Variants in TBC1D1 observed in about 807,000 individuals in gnomAD.
TBC1D1 encodes the protein TBC1 (tre-2/USP6, BUB2, cdc16) domain family, member 1.
A neutral mutation model predicts 125.6 loss-of-function variants in TBC1D1; 89 were observed. The observed-to-expected ratio is 0.71, with a 90% CI of 0.60 to 0.85. TBC1D1 has a LOEUF of 0.85. Among genes scored for constraint, TBC1D1 ranks in the 40% least tolerant of loss-of-function variants. The probability of loss-of-function intolerance (pLI) is 0.00; values close to 1 mark genes in which losing one functional copy is unlikely to be tolerated. For synonymous variants in TBC1D1, 565 were observed against 564.1 expected (o/e 1.00, Z -0.02); for missense variants, 1,377 against 1,469.2 (o/e 0.94, Z 1.03).
At chr4:38,117,970 A>G in intron 16 of TBC1D1, 63 bp from the exon 19 acceptor site, 1 of 1,472,548 alleles carries the variant, frequency 6.8e-7, no homozygotes, top group East Asian at 2.3e-5. Flanking sequence ...TGTGAGCAGT[A>G]GGCATAACTT....
At chr4:37,959,265 C>T (rs1045020817) in intron 2 of TBC1D1, among the ~76,000 whole-genome samples, 1 of 152,210 alleles carries the variant, frequency 6.6e-6, no homozygotes, top group African/African-American at 2.4e-5. Context: ...ACCAATAACA[C>T]AGTCGACTAA....
intron 12 of TBC1D1, among the ~76,000 whole-genome samples, chr4:38,080,808 G>C (rs765927879): frequency 7.9e-5 from 12 of 152,296 alleles, no homozygotes; most frequent in Non-Finnish European, 1.6e-4. Flanking sequence ...CTGCTCAGCT[G>C]TCTCCTTAGG....
chr4:38,101,819 T>C (rs2152557044), intron 14 of TBC1D1, among the ~76,000 whole-genome samples: 1 of 152,286 alleles, frequency 6.6e-6, no homozygotes, highest in East Asian at 1.9e-4. Context: ...CCAGCCTTCT[T>C]GCCAGCTGCT....
chr4:38,020,640 G>A lies in TBC1D1; in HGVS notation c.1022G>A (p.Gly341Glu). Residue 341 changes from glycine (G) to glutamate (E), a missense_variant, in exon 5 of 20, where the codon GGA becomes GAA. By Grantham distance (98) the Gly-to-Glu change is moderately conservative. Transcript: ENST00000261439. ...GGGTTTATCTGTCGGGAGTCTTCCG[G>A]AGGTGGCGGCTTTCATTTTGTCTGT... 2 of 1,613,430 alleles carry A rather than the reference G, an allele frequency of 1.2e-6. No homozygotes were observed. Among genetic ancestry groups the A allele is most frequent in the Non-Finnish European group, 1.7e-6 (2 of 1,179,596 alleles).
rs1766976162 is a variant in TBC1D1, at chr4:38,138,554, A to G, written c.*1219A>G. 1 of 152,642 alleles carries G rather than the reference A, an allele frequency of 6.6e-6. No individual in the cohort carries two copies. The allele number at this position is 152,642 out of a possible 1,614,324, so 9.5% of individuals were successfully genotyped here. The stretch of plus-strand genomic sequence containing the variant: ...ACAGTGACTCTCCTCTCTCAGGATG[A>G]CGAGGACCTGTGCCTTCAACAAGCA... On this transcript the variant is annotated 3_prime_UTR_variant, in exon 20 of 20. Transcript: ENST00000261439.
intron 2 of TBC1D1, among the ~76,000 whole-genome samples, chr4:38,006,210 C>CT (rs552955684): frequency 2.1e-4 from 31 of 147,960 alleles, no homozygotes; most frequent in South Asian, 1.3e-3. Context: ...GCTTTGGTGA[C>CT]TTTTTTTTTT....
At chr4:38,132,274 G>C (rs1325078678) in intron 18 of TBC1D1, among the ~76,000 whole-genome samples, 3 of 152,032 alleles carry the variant, frequency 2.0e-5, no homozygotes, top group African/African-American at 4.8e-5. Flanking sequence ...GCTGTGCTGA[G>C]AGGCCCCAGC....
Position 38,018,371 on chromosome 4 carries a change from T to C in TBC1D1, c.900T>C (p.Val300=). 6.2e-7 allele frequency: 1 copy of C among 1,611,074 alleles called. No individual in the cohort carries two copies. Residue 300 remains valine, a synonymous_variant, in exon 4 of 20, where the codon GTT becomes GTC. Coordinates refer to ENST00000261439, the MANE Select transcript of TBC1D1 (RefSeq NM_015173.4). Reference sequence around the variant, plus strand: ...CTTTTAAGATTGGCCAGTCTGAAGTTTACCTCATCAGTCCTGACACCAAAA... The same window carrying C: ...CTTTTAAGATTGGCCAGTCTGAAGTCTACCTCATCAGTCCTGACACCAAAA...
intron 12 of TBC1D1, among the ~76,000 whole-genome samples, chr4:38,082,715 G>T (rs958927979): frequency 6.6e-6 from 1 of 152,168 alleles, no homozygotes; most frequent in African/African-American, 2.4e-5. Context: ...CAGAGCTCTT[G>T]GTGCTCTGTG....
intron 2 of TBC1D1, among the ~76,000 whole-genome samples, chr4:37,909,475 A>C (rs904684033): frequency 1.3e-5 from 2 of 152,176 alleles, no homozygotes; most frequent in African/African-American, 2.4e-5. Context: ...CAGGATTTTC[A>C]ATAGAGTCTG....
rs555539723 is a variant in TBC1D1 at position 38,115,664 on chromosome 4, C to CT, written c.2558-39dup. On this transcript the variant is annotated intron_variant, in intron 15 of 19. Coordinates refer to ENST00000261439, the MANE Select transcript of TBC1D1 (RefSeq NM_015173.4). ...TTGGATTTCTGGTTCAATAGGCTTTCTTTTTTTGTTTTTATTATTACAACT... is the reference window on the plus strand; with the variant it reads ...TTGGATTTCTGGTTCAATAGGCTTTCTTTTTTTTGTTTTTATTATTACAACT... 42 of 1,568,922 alleles carry CT rather than the reference C, an allele frequency of 2.7e-5. No homozygotes were observed. The East Asian group carries it at 6.8e-4, about 25-fold the overall frequency.
intron 8 of TBC1D1, 140 bp downstream of exon 8, chr4:38,035,838 A>C: frequency 1.5e-6 from 1 of 686,224 alleles, no homozygotes; most frequent in Non-Finnish European, 2.5e-6. Flanking sequence ...ATAGAGGGGA[A>C]ATTTGGGAGT....
intron 1 of TBC1D1, among the ~76,000 whole-genome samples, chr4:37,896,568 G>A (rs1714674227): frequency 6.6e-6 from 1 of 152,154 alleles, no homozygotes; most frequent in Admixed American, 6.5e-5. Flanking sequence ...ACTTGGGGAT[G>A]ATCTTGTTCC....
At chr4:37,979,123 C>A (rs1733852047) in intron 2 of TBC1D1, among the ~76,000 whole-genome samples, 1 of 152,190 alleles carries the variant, frequency 6.6e-6, no homozygotes, top group African/African-American at 2.4e-5. Context: ...GTAATGCCCC[C>A]ACCTTGGCCT....
intron 2 of TBC1D1, among the ~76,000 whole-genome samples, chr4:37,924,849 C>T (rs1721729414): frequency 2.0e-5 from 3 of 152,220 alleles, no homozygotes; most frequent in Admixed American, 6.5e-5. Context: ...GTACAAATAC[C>T]TGTTTGAGTC....
chr4:37,958,453 T>C lies in TBC1D1; in HGVS notation c.417+55941T>C, dbSNP rs993782309. On this transcript the variant is annotated intron_variant, in intron 2 of 19. Transcript: ENST00000261439. ...CTCGTAGCCATGCTTTCCTCTGTTT[T>C]GTTCATTGTTGTTTCTTTTGCCTGG... 3.3e-5 allele frequency among the ~76,000 whole-genome samples: 5 copies of C among 152,354 alleles called. No individual in the cohort carries two copies. In the South Asian group the frequency reaches 1.0e-3, roughly 32 times the overall value.
intron 14 of TBC1D1, among the ~76,000 whole-genome samples, chr4:38,100,220 T>C (rs1760062113): frequency 1.3e-5 from 2 of 152,242 alleles, no homozygotes; most frequent in African/African-American, 4.8e-5. Context: ...ATTTGCTTCC[T>C]GTTGCTACCA....
intron 12 of TBC1D1, among the ~76,000 whole-genome samples, chr4:38,083,335 G>A (rs1245032817): frequency 2.6e-5 from 4 of 152,154 alleles, no homozygotes; most frequent in South Asian, 4.1e-4. Context: ...ATATTCAGGC[G>A]CATACTATCT....
At chr4:38,068,610 A>G (rs116706375) in intron 12 of TBC1D1, among the ~76,000 whole-genome samples, 1,996 of 152,238 alleles carry the variant, frequency 0.013, 42 homozygotes, top group African/African-American at 0.045. Context: ...CATCTGTGCT[A>G]TCCTGTACAG....
Sources: gnomAD v4.1 joint callset for allele counts (sites outside exome capture counted in the v4.1 genomes callset) on GRCh38, gnomAD v4.1.1 for gene constraint, MANE v1.5 for transcripts, NCBI Gene and HGNC (gene_info 2026-07-23, HGNC 2026-07-21) for gene names.